SHANK2: variants seen among roughly 807,000 people sequenced by gnomAD.
SHANK2 encodes the protein SH3 and multiple ankyrin repeat domains protein 2.
Under a neutral mutation model 133.7 loss-of-function variants are expected in SHANK2, and 43 were observed. That is an observed-to-expected ratio of 0.32 (90% CI 0.25 to 0.41). The LOEUF (loss-of-function observed/expected upper bound fraction) is 0.41, where lower values mean the gene tolerates loss of function less well. Ranked by LOEUF, SHANK2 falls within the 10% of genes least tolerant of loss-of-function variation. The pLI, the probability that SHANK2 is intolerant of heterozygous loss-of-function variation, is 1.00. For synonymous variants in SHANK2, 1,017 were observed against 952.8 expected (o/e 1.07, Z -1.24); for missense variants, 1,994 against 2,235.8 (o/e 0.89, Z 2.18).
intron 17 of SHANK2, among the ~76,000 whole-genome samples, chr11:70,620,184 T>C (rs782674444): frequency 2.0e-5 from 3 of 151,964 alleles, no homozygotes; most frequent in Non-Finnish European, 2.9e-5. Context: ...AACATTTGAG[T>C]GTGGGGGTCA....
intron 18 of SHANK2, 60 bp downstream of exon 18, chr11:70,502,736 C>CGGGGG: frequency 4.3e-6 from 2 of 462,548 alleles, no homozygotes; most frequent in Non-Finnish European, 6.7e-6. Context: ...GTCCTGCCCG[C>CGGGGG]CCCCACCCCC....
intron 11 of SHANK2, among the ~76,000 whole-genome samples, chr11:70,822,506 T>G (rs1337309466): frequency 1.4e-5 from 2 of 143,678 alleles, no homozygotes; most frequent in Non-Finnish European, 3.0e-5. Flanking sequence ...GGGACAGAGG[T>G]GGAGTTGGCA....
In SHANK2 at chr11:71,252,190, G is replaced by A. The variant is rs1948196752; in HGVS notation, c.-113+235C>T. Among the ~76,000 whole-genome samples the A allele has an allele frequency of 1.3e-5, 2 of 152,132 alleles. No individual in the cohort carries two copies. The highest frequency in any genetic ancestry group is 2.9e-5 in the Non-Finnish European group (2 of 68,000). ...ACACCGGCCCCTGCCCGGGAAGAAAGGCATGCAGGGGGAAGGGCTCTCTAC... is the reference window on the plus strand; with the variant it reads ...ACACCGGCCCCTGCCCGGGAAGAAAAGCATGCAGGGGGAAGGGCTCTCTAC... On this transcript the variant is annotated intron_variant, in intron 1 of 25. Transcript: ENST00000601538. This position sits in a 1 kb window ranked among gnomAD's most constrained non-coding sequence, Gnocchi z 6.3.
At chr11:71,249,898 C>T (rs1228194545) in intron 1 of SHANK2, among the ~76,000 whole-genome samples, 3 of 152,140 alleles carry the variant, frequency 2.0e-5, no homozygotes, top group African/African-American at 7.2e-5. Context: ...TTACCTTCCT[C>T]TGGGCAGCAC....
At chr11:70,546,979 T>C (rs1329514629) in intron 17 of SHANK2, among the ~76,000 whole-genome samples, 1 of 152,158 alleles carries the variant, frequency 6.6e-6, no homozygotes, top group Admixed American at 6.5e-5. Context: ...CGACCCTGGA[T>C]ACCTGATCAG....
chr11:71,225,539 A>G (rs1005059993), intron 1 of SHANK2, among the ~76,000 whole-genome samples: 1 of 152,260 alleles, frequency 6.6e-6, no homozygotes. Context: ...GCTTACAAAA[A>G]AAGTTTAACT....
intron 1 of SHANK2, among the ~76,000 whole-genome samples, chr11:71,228,093 C>A (rs782482162): frequency 1.3e-5 from 2 of 151,976 alleles, no homozygotes; most frequent in Non-Finnish European, 2.9e-5. Flanking sequence ...ACCCTGCAGA[C>A]ATGAAAAAGA....
chr11:71,145,422 A>C (rs1164908115), intron 3 of SHANK2, among the ~76,000 whole-genome samples: 1 of 152,244 alleles, frequency 6.6e-6, no homozygotes, highest in African/African-American at 2.4e-5. Context: ...TGGGTTGGAC[A>C]AGTTTGTCCT....
intron 2 of SHANK2, among the ~76,000 whole-genome samples, chr11:71,178,660 A>AC (rs1953491143): frequency 6.6e-6 from 1 of 150,864 alleles, no homozygotes; most frequent in Non-Finnish European, 1.5e-5. Context: ...AAATACAAAT[A>AC]AAAAGTAACT....
intron 10 of SHANK2, 54 bp from the exon 11 acceptor site, chr11:70,896,621 T>G: frequency 1.4e-6 from 1 of 712,936 alleles, no homozygotes; most frequent in Non-Finnish European, 2.6e-6. Context: ...CAATGATTTC[T>G]GCATATACTA....
intron 17 of SHANK2, among the ~76,000 whole-genome samples, chr11:70,564,933 C>A (rs2059949916): frequency 6.6e-6 from 1 of 152,316 alleles, no homozygotes; most frequent in East Asian, 1.9e-4. Context: ...TTCAAAATAT[C>A]TTCTGTGTCT....
chr11:70,798,622 C>T (rs1486812563), intron 13 of SHANK2, 66 bp from the exon 14 acceptor site: 18 of 707,560 alleles, frequency 2.5e-5, no homozygotes, highest in Middle Eastern at 2.3e-4. Flanking sequence ...TTGAACAAGA[C>T]GAGTGGGGCT....
intron 14 of SHANK2, among the ~76,000 whole-genome samples, chr11:70,788,260 C>G (rs782676679): frequency 3.6e-4 from 55 of 152,174 alleles, no homozygotes; most frequent in Non-Finnish European, 6.5e-4. Context: ...GACAAGAAAT[C>G]TCAAAGGACA....
intron 17 of SHANK2, among the ~76,000 whole-genome samples, chr11:70,531,902 A>G (rs2059478491): frequency 6.6e-6 from 1 of 152,054 alleles, no homozygotes; most frequent in South Asian, 2.1e-4. Flanking sequence ...GTCTCTGCCA[A>G]ACCTTCCCGG....
chr11:70,572,321 G>A (rs184706038), intron 17 of SHANK2, among the ~76,000 whole-genome samples: 6 of 152,254 alleles, frequency 3.9e-5, no homozygotes, highest in African/African-American at 7.2e-5. Context: ...CACCATACCC[G>A]GCTAATTTTT....
At chr11:70,801,734 T>C (rs1444443983) in intron 13 of SHANK2, among the ~76,000 whole-genome samples, 1 of 152,034 alleles carries the variant, frequency 6.6e-6, no homozygotes, top group Non-Finnish European at 1.5e-5. Context: ...TCCCGGGGAC[T>C]CCTGTTCTCT....
intron 11 of SHANK2, among the ~76,000 whole-genome samples, chr11:70,874,674 T>TAAAAAAAA (rs34587004): frequency 8.8e-6 from 1 of 114,220 alleles, no homozygotes; most frequent in African/African-American, 3.4e-5. Flanking sequence ...CTGCATTTAC[T>TAAAAAAAA]AAAAAAAAAA....
intron 17 of SHANK2, among the ~76,000 whole-genome samples, chr11:70,559,580 C>T (rs7127137): frequency 0.78 from 119,092 of 152,086 alleles, 47,195 homozygotes; most frequent in Middle Eastern, 0.88. Context: ...TTACCTGGCC[C>T]GCGCTTTCCT....
At chr11:70,753,819 T>A (rs1946805264) in intron 14 of SHANK2, among the ~76,000 whole-genome samples, 2 of 151,428 alleles carry the variant, frequency 1.3e-5, no homozygotes, top group Non-Finnish European at 2.9e-5. Context: ...TAAGTGTGTG[T>A]GTGTGTGTTT....
Sources: allele counts gnomAD v4.1 joint callset (sites outside exome capture counted in the v4.1 genomes callset), GRCh38; gene constraint gnomAD v4.1.1; non-coding constraint Gnocchi (gnomAD v3.1); transcripts MANE v1.5; gene names NCBI Gene and HGNC (gene_info 2026-07-23, HGNC 2026-07-21).